The following MGAT5B variants were observed in gnomAD, a reference collection of about 807,000 sequenced individuals.
MGAT5B encodes the protein alpha-1,6-mannosylglycoprotein 6-beta-N-acetylglucosaminyltransferase B, also known as N-acetylglucosaminyl-transferase Vb.
A neutral mutation model predicts 95.1 loss-of-function variants in MGAT5B; 54 were observed. That is an observed-to-expected ratio of 0.57 (90% CI 0.46 to 0.71). The LOEUF is 0.71. Ranked by LOEUF, MGAT5B falls within the 30% of genes least tolerant of loss-of-function variation. MGAT5B has a pLI of 0.00. For synonymous variants in MGAT5B, 464 were observed against 451.0 expected, an observed-to-expected ratio of 1.03 and a Z score of -0.36; for missense variants, 935 against 1,088.6, an observed-to-expected ratio of 0.86 and a Z score of 1.99.
chr17:76,868,430 T>C lies in MGAT5B; in HGVS notation c.-600T>C, dbSNP rs934782332. 1.3e-3 allele frequency: 189 copies of C among 151,066 alleles called. 2 individuals carry two copies. Among genetic ancestry groups the C allele is most frequent in the Admixed American group, 0.012 (180 of 15,180 alleles). 9.4% of individuals were successfully genotyped at this position (151,066 alleles called of 1,614,324 possible). ...CTCGGCCGCCTCCTCCGAGGAACAATGCGGCGCCTCCGGGCGTAGCGTCGC... is the reference window on the plus strand; with the variant it reads ...CTCGGCCGCCTCCTCCGAGGAACAACGCGGCGCCTCCGGGCGTAGCGTCGC... On this transcript the variant is annotated 5_prime_UTR_variant, in exon 1 of 18. It removes an upstream start codon present in the reference 5' UTR. Coordinates refer to ENST00000569840, the MANE Select transcript of MGAT5B (RefSeq NM_001199172.2). The surrounding 1 kb of genome is among the most constrained non-coding windows in gnomAD (Gnocchi z 6.3).
intron 10 of MGAT5B, among the ~76,000 whole-genome samples, chr17:76,931,785 TA>T (rs1346239595): frequency 6.6e-6 from 1 of 152,184 alleles, no homozygotes; most frequent in Non-Finnish European, 1.5e-5. Context: ...TGATATGGCC[TA>T]GGCCGGGGTG....
chr17:76,924,099 G>A, intron 8 of MGAT5B: 1 of 152,290 alleles, frequency 6.6e-6, no homozygotes, highest in African/African-American at 2.4e-5. Context: ...TGGCAGGGGG[G>A]GTTGTGGGCA....
intron 3 of MGAT5B, among the ~76,000 whole-genome samples, chr17:76,885,966 C>A (rs1967617027): frequency 6.6e-6 from 1 of 152,202 alleles, no homozygotes; most frequent in South Asian, 2.1e-4. Flanking sequence ...AAAACACGTC[C>A]CCTGTTCTTC....
chr17:76,913,950 A>G, intron 8 of MGAT5B: 1 of 353,368 alleles, frequency 2.8e-6, no homozygotes, highest in East Asian at 7.4e-5. Context: ...GTCTTTACCA[A>G]AAACAAAAAA....
At chr17:76,886,207 G>A (rs1254404327) in intron 3 of MGAT5B, among the ~76,000 whole-genome samples, 2 of 152,206 alleles carry the variant, frequency 1.3e-5, no homozygotes, top group Non-Finnish European at 2.9e-5. Flanking sequence ...AGGTCAGTCC[G>A]TATTTGTTGA....
chr17:76,939,029 G>GGGGGGGGGTGT (rs1237086611), intron 13 of MGAT5B, among the ~76,000 whole-genome samples: 10 of 128,190 alleles, frequency 7.8e-5, no homozygotes, highest in African/African-American at 3.1e-4. Flanking sequence ...GCATCTTGGG[G>GGGGGGGGGTGT]GTGTGTGTGT....
Position 76,940,516 on chromosome 17 carries a change from G to T in MGAT5B, c.1699G>T (p.Glu567Ter). The T allele has an allele frequency of 1.2e-6, 2 of 1,613,316 alleles. No homozygotes were observed. Among genetic ancestry groups the T allele is most frequent in the Non-Finnish European group, 1.7e-6 (2 of 1,179,568 alleles). ...CCCGCCCCACAGCTCCCTCAACCAC[G>T]AGTTCTTCCGAGGCAAGCCCACCTC... Reference protein sequence around the residue: ...FSPPHSSLNHEFFRGKPTSRE... With the variant: ...FSPPHSSLNH The change falls in exon 14 of 18, where the codon GAG (glutamate) becomes TAG (stop). Residue 567 changes from glutamate (E) to a stop codon, truncating the protein, a stop_gained. Coordinates refer to ENST00000569840, the MANE Select transcript of MGAT5B (RefSeq NM_001199172.2). LOFTEE classifies it high-confidence loss of function. The surrounding 1 kb of genome is among the most constrained non-coding windows in gnomAD (Gnocchi z 4.3).
chr17:76,931,257 C>T (rs760153256), intron 10 of MGAT5B, among the ~76,000 whole-genome samples: 1 of 152,040 alleles, frequency 6.6e-6, no homozygotes, highest in South Asian at 2.1e-4. Context: ...CCACCACACC[C>T]GGTTAATGTT....
At chr17:76,896,487 C>T (rs1968068911) in intron 3 of MGAT5B, among the ~76,000 whole-genome samples, 1 of 152,182 alleles carries the variant, frequency 6.6e-6, no homozygotes, top group Non-Finnish European at 1.5e-5. Context: ...TGCTTCCTCT[C>T]AGGAATGGGA....
In MGAT5B at chr17:76,930,292, C is replaced by T. The variant is rs1323749891; in HGVS notation, c.1292-2353C>T. 1.4e-5 allele frequency among the ~76,000 whole-genome samples: 2 copies of T among 146,630 alleles called. No homozygotes were observed. The highest frequency in any genetic ancestry group is 5.0e-5 in the African/African-American group (2 of 40,112). On this transcript the variant is annotated intron_variant, in intron 10 of 17. Transcript: ENST00000569840. This position sits in a 1 kb window ranked among gnomAD's most constrained non-coding sequence, Gnocchi z 4.1. ...CTGTACCAGATGTTGATTATTACGT[C>T]TTGTGGGCCTTGAGGGGTGGGTGGG...
chr17:76,921,640 G>A (rs1249410786), intron 8 of MGAT5B, among the ~76,000 whole-genome samples: 1 of 152,046 alleles, frequency 6.6e-6, no homozygotes, highest in East Asian at 1.9e-4. Context: ...CAGATCCTGG[G>A]GGGCGCAGGG....
At chr17:76,939,565 G>C (rs1383527672) in intron 13 of MGAT5B, among the ~76,000 whole-genome samples, 2 of 152,024 alleles carry the variant, frequency 1.3e-5, no homozygotes, top group Non-Finnish European at 2.9e-5. Context: ...ATGCAGGCTT[G>C]GTACCTGGGT....
At chr17:76,911,693 G>A (rs183780061) in intron 8 of MGAT5B, among the ~76,000 whole-genome samples, 28 of 152,360 alleles carry the variant, frequency 1.8e-4, no homozygotes, top group African/African-American at 6.7e-4. Flanking sequence ...TGAGCTCCCA[G>A]GCACATTCCC....
rs1288347427 is a variant in MGAT5B at position 76,940,363 on chromosome 17, C to T, written c.1585-39C>T. ...CCTGGTGCTTACTGGGCTGTGGCGG[C>T]CCAGCCCTCCCTGATCACTGCGCCC... is the stretch of plus-strand genomic sequence containing the variant. On this transcript the variant is annotated intron_variant, in intron 13 of 17. Transcript: ENST00000569840. This position sits in a 1 kb window ranked among gnomAD's most constrained non-coding sequence, Gnocchi z 4.3. 2 of 1,534,752 alleles carry T rather than the reference C, an allele frequency of 1.3e-6. No homozygotes were observed. The highest frequency in any genetic ancestry group is 1.3e-5 in the South Asian group (1 of 78,790).
intron 4 of MGAT5B, 39 bp downstream of exon 4, chr17:76,902,709 G>A: frequency 6.8e-7 from 1 of 1,461,360 alleles, no homozygotes; most frequent in South Asian, 1.2e-5. Context: ...TACCCCTAGG[G>A]GGCCAATGAA....
chr17:76,887,449 TCCTTCCTCCCTCCCTCCCTC>T (rs1968784046), intron 3 of MGAT5B, among the ~76,000 whole-genome samples: 1 of 44,034 alleles, frequency 2.3e-5, no homozygotes, highest in Non-Finnish European at 4.5e-5. Flanking sequence ...CTCCCTCCCT[TCCTTCCTCCCTCCCTCCCTC>T]CCTTCCTCCC....
chr17:76,869,657 G>C lies in MGAT5B; in HGVS notation c.68+560G>C, dbSNP rs542016730. Among the ~76,000 whole-genome samples, 2 of 152,366 alleles carry C rather than the reference G, an allele frequency of 1.3e-5. No homozygotes were observed. The highest frequency in any genetic ancestry group is 4.1e-4 in the South Asian group (2 of 4,834). On this transcript the variant is annotated intron_variant, in intron 1 of 17. Coordinates refer to ENST00000569840, the MANE Select transcript of MGAT5B (RefSeq NM_001199172.2). The surrounding 1 kb of genome is among the most constrained non-coding windows in gnomAD (Gnocchi z 7.0). ...CGAGAGGGTCCCGAGATTAGAGCGA[G>C]GACTCGCTCATCCCAGGATTCGCCC...
Position 76,902,744 on chromosome 17 carries a change from G to A in MGAT5B, c.445+74G>A, listed in dbSNP as rs1968363112. On this transcript the variant is annotated intron_variant, in intron 4 of 17. Transcript: ENST00000569840. The stretch of plus-strand genomic sequence containing the variant: ...ACTGGGTGCTGGGTGGGCCCTGGGA[G>A]GGTGGGACACTTGGGGTGTGGCCGA... 2.8e-6 allele frequency: 3 copies of A among 1,066,728 alleles called. No individual in the cohort carries two copies. The Admixed American group carries it at 6.4e-5, about 23-fold the overall frequency. 66.1% of individuals were successfully genotyped at this position (1,066,728 alleles called of 1,614,324 possible).
At position 76,940,201 on chromosome 17, in the gene MGAT5B, C is replaced by T. The variant is rs781108114; in HGVS notation, c.1585-201C>T. The stretch of plus-strand genomic sequence containing the variant: ...AACTGAGGCCCAGAGAGGGGAAGTG[C>T]TTGCCCGTGGCACAAGATGTTCTGG... On this transcript the variant is annotated intron_variant, in intron 13 of 17. Transcript: ENST00000569840. This position sits in a 1 kb window ranked among gnomAD's most constrained non-coding sequence, Gnocchi z 4.3. Among the ~76,000 whole-genome samples the T allele has an allele frequency of 3.3e-5, 5 of 152,312 alleles. No homozygotes were observed. The highest frequency in any genetic ancestry group is 2.1e-4 in the South Asian group (1 of 4,824).
Sources: gnomAD v4.1 joint callset for allele counts (sites outside exome capture counted in the v4.1 genomes callset) on GRCh38, gnomAD v4.1.1 for gene constraint, Gnocchi (gnomAD v3.1) non-coding constraint, MANE v1.5 for transcripts, NCBI Gene and HGNC (gene_info 2026-07-23, HGNC 2026-07-21) for gene names.